Variants in CCND3 observed in about 807,000 individuals in gnomAD.
CCND3 encodes the protein cyclin D3, also known as G1/S-specific cyclin-D3.
Under a neutral mutation model 28.7 loss-of-function variants are expected in CCND3, and 9 were observed. The observed-to-expected ratio is 0.31, with a 90% CI of 0.19 to 0.55. The LOEUF is 0.55. Among genes scored for constraint, CCND3 ranks in the 20% least tolerant of loss-of-function variants. The pLI is 0.93. For synonymous variants in CCND3, 164 were observed against 163.9 expected (o/e 1.00, Z 0.00); for missense variants, 315 against 385.8 (o/e 0.82, Z 1.54).
At chr6:42,013,709 A>G (rs1763405197) in intron 1 of CCND3, among the ~76,000 whole-genome samples, 1 of 152,176 alleles carries the variant, frequency 6.6e-6, no homozygotes, top group South Asian at 2.1e-4. Flanking sequence ...AGTTCAGCCT[A>G]TTGAGATCTA....
chr6:42,025,970 AGGCTGCCTGT>A (rs1019000202), intron 1 of CCND3, among the ~76,000 whole-genome samples: 11 of 152,180 alleles, frequency 7.2e-5, no homozygotes, highest in African/African-American at 2.7e-4. Flanking sequence ...TGGACCCACA[AGGCTGCCTGT>A]CAGCCTCTAG....
chr6:42,000,963 A>G (rs977973528), intron 1 of CCND3, among the ~76,000 whole-genome samples: 8 of 151,424 alleles, frequency 5.3e-5, no homozygotes, highest in Admixed American at 2.6e-4. Context: ...TAGGTCAGGC[A>G]CGGTGGCTCA....
At position 41,939,779 on chromosome 6, in the gene CCND3, G is replaced by C. The variant is rs1485050586; in HGVS notation, c.414+591C>G. Among the ~76,000 whole-genome samples, 1 of 152,164 alleles carries C rather than the reference G, an allele frequency of 6.6e-6. No individual in the cohort carries two copies. The highest frequency in any genetic ancestry group is 1.5e-5 in the Non-Finnish European group (1 of 68,028). On this transcript the variant is annotated intron_variant, in intron 2 of 4. Coordinates refer to ENST00000372991, the MANE Select transcript of CCND3 (RefSeq NM_001760.5). This position sits in a 1 kb window ranked among gnomAD's most constrained non-coding sequence, Gnocchi z 4.2. ...CTCCAGTTCCTCAGAATGAGGACGA[G>C]GAAGGATTAGGAAGAAGCTGTTTCT...
chr6:41,950,169 A>C lies in CCND3; in HGVS notation c.-45-9584T>G, dbSNP rs1247849632. ...CCTTTTTCTGGCTGTCTGGGTTCTG[A>C]ATAAATGAGGCTTTCCTGTTCTGTC... is the stretch of plus-strand genomic sequence containing the variant. On this transcript the variant is annotated intron_variant, in intron 1 of 4. Coordinates refer to the CCND3 transcript ENST00000372988. Among the ~76,000 whole-genome samples, 3 of 151,650 alleles carry C rather than the reference A, an allele frequency of 2.0e-5. No homozygotes were observed. In the East Asian group the frequency reaches 5.8e-4, roughly 29 times the overall value.
Position 41,941,211 on chromosome 6 carries a change from C to T in CCND3, c.198+241G>A, listed in dbSNP as rs940604775. ...GTGTCCTTGGTCCCGTTTGCTCGGC[C>T]CGAAGAGAGGCACAGTTAGGGTGCC... is the stretch of plus-strand genomic sequence containing the variant. On this transcript the variant is annotated intron_variant, in intron 1 of 4. Transcript: ENST00000372991. This position sits in a 1 kb window ranked among gnomAD's most constrained non-coding sequence, Gnocchi z 6.1. 1 of 1,435,440 alleles carries T rather than the reference C, an allele frequency of 7.0e-7. No individual in the cohort carries two copies. The allele number at this position is 1,435,440 out of a possible 1,614,324, so 88.9% of individuals were successfully genotyped here.
intron 1 of CCND3, among the ~76,000 whole-genome samples, chr6:42,044,506 G>A (rs915399998): frequency 1.3e-5 from 2 of 152,214 alleles, no homozygotes; most frequent in African/African-American, 4.8e-5. Flanking sequence ...AGGCGAAGGG[G>A]CTTTGAGGTC....
chr6:42,036,304 A>ATT (rs1481906240), intron 1 of CCND3, among the ~76,000 whole-genome samples: 11 of 121,378 alleles, frequency 9.1e-5, no homozygotes, highest in African/African-American at 2.8e-4. Flanking sequence ...AAAAATTATT[A>ATT]TTTATATATA....
chr6:42,005,300 G>A (rs566458255), intron 1 of CCND3, among the ~76,000 whole-genome samples: 80 of 152,190 alleles, frequency 5.3e-4, no homozygotes, highest in South Asian at 3.5e-3. Context: ...CCAGAATTTT[G>A]GGAAGCCAGG....
At chr6:41,940,300 C>G in intron 2 of CCND3, 70 bp downstream of exon 2, 5 of 1,407,168 alleles carry the variant, frequency 3.6e-6, no homozygotes, top group South Asian at 1.1e-5. Context: ...CCTCTGATAT[C>G]TCAAGCTTTC....
rs1464976549 is a variant in CCND3, at chr6:41,935,078, C to T, written c.*862G>A. The T allele has an allele frequency of 2.1e-5, 5 of 233,272 alleles. No individual in the cohort carries two copies. The East Asian group carries it at 3.0e-4, about 14-fold the overall frequency. 14.5% of individuals were successfully genotyped at this position (233,272 alleles called of 1,614,324 possible). ...CCCTCTCTAGACAGGGGCTCAGCCA[C>T]CTCCAGGGCATCCCTGCTGCATTTT... On this transcript the variant is annotated 3_prime_UTR_variant, in exon 5 of 5. Transcript: ENST00000372991.
intron 1 of CCND3, among the ~76,000 whole-genome samples, chr6:41,992,279 C>T (rs1582139413): frequency 6.6e-6 from 1 of 152,100 alleles, no homozygotes; most frequent in East Asian, 1.9e-4. Flanking sequence ...TCTCATGCCT[C>T]AGCCTCCCAA....
At chr6:41,965,004 T>C (rs572592382) in intron 1 of CCND3, among the ~76,000 whole-genome samples, 2 of 151,234 alleles carry the variant, frequency 1.3e-5, no homozygotes, top group East Asian at 2.0e-4. Context: ...TTTCCTCTGA[T>C]AGGAATCCAA....
At chr6:42,031,751 T>C (rs1012606116) in intron 1 of CCND3, among the ~76,000 whole-genome samples, 2 of 152,084 alleles carry the variant, frequency 1.3e-5, no homozygotes, top group African/African-American at 4.8e-5. Flanking sequence ...TTTTGCATCC[T>C]GATTTTTCTC....
chr6:42,029,120 G>T (rs1763971649), intron 1 of CCND3, among the ~76,000 whole-genome samples: 1 of 151,746 alleles, frequency 6.6e-6, no homozygotes, highest in African/African-American at 2.4e-5. Context: ...AGGAATACAA[G>T]CAGGCACCAC....
intron 1 of CCND3, among the ~76,000 whole-genome samples, chr6:41,954,488 T>G (rs930908038): frequency 2.7e-5 from 4 of 149,628 alleles, no homozygotes; most frequent in African/African-American, 9.9e-5. Flanking sequence ...GAGGCGGAGG[T>G]TGCGGTGAGC....
chr6:41,979,202 G>C (rs1352040098), intron 1 of CCND3, among the ~76,000 whole-genome samples: 1 of 135,044 alleles, frequency 7.4e-6, no homozygotes, highest in Non-Finnish European at 1.6e-5. Flanking sequence ...ATCCTGACTT[G>C]TTCTTTTGGA....
chr6:41,944,106 G>A (rs769706354), upstream of CCND3, among the ~76,000 whole-genome samples: 13 of 151,916 alleles, frequency 8.6e-5, no homozygotes, highest in Admixed American at 2.0e-4. Context: ...TGAGGCAGGA[G>A]GATCACTGGA....
At chr6:42,019,916 G>C (rs943276082) in intron 1 of CCND3, among the ~76,000 whole-genome samples, 3 of 152,094 alleles carry the variant, frequency 2.0e-5, no homozygotes, top group South Asian at 2.1e-4. Context: ...AAGAACTATG[G>C]GTGATTTTTC....
rs1023840581 is a variant in CCND3 at position 41,935,484 on chromosome 6, C to T, written c.*456G>A. ...ACTGAGAGGAGCCATCTAGACTATT[C>T]CCCCTCATATGTGTCTATCATGCAT... is the stretch of plus-strand genomic sequence containing the variant. On this transcript the variant is annotated 3_prime_UTR_variant, in exon 5 of 5. Coordinates refer to ENST00000372991, the MANE Select transcript of CCND3 (RefSeq NM_001760.5). The T allele has an allele frequency of 1.1e-5, 3 of 280,326 alleles. No individual in the cohort carries two copies. Among genetic ancestry groups the T allele is most frequent in the African/African-American group, 6.4e-5 (3 of 46,996 alleles). The allele number at this position is 280,326 out of a possible 1,614,324, so 17.4% of individuals were successfully genotyped here. A position where few individuals can be genotyped will look rare whatever the true frequency, so the allele number is the denominator to read the frequency against.
Sources: allele counts gnomAD v4.1 joint callset (sites outside exome capture counted in the v4.1 genomes callset), GRCh38; gene constraint gnomAD v4.1.1; non-coding constraint Gnocchi (gnomAD v3.1); transcripts MANE v1.5; gene names NCBI Gene and HGNC (gene_info 2026-07-23, HGNC 2026-07-21).